PCDHGB7: variants seen among roughly 807,000 people sequenced by gnomAD.
PCDHGB7 encodes the protein protocadherin gamma-B7.
Under a neutral mutation model 61.4 loss-of-function variants are expected in PCDHGB7, and 37 were observed. The ratio of observed to expected loss-of-function variants is 0.60; its 90% CI spans 0.46 to 0.79. The LOEUF is 0.79. Among genes scored for constraint, PCDHGB7 ranks in the 30% least tolerant of loss-of-function variants. The pLI, the probability that PCDHGB7 is intolerant of heterozygous loss-of-function variation, is 0.00. For synonymous variants in PCDHGB7, 464 were observed against 503.5 expected, an observed-to-expected ratio of 0.92 and a Z score of 1.05; for missense variants, 1,166 against 1,202.5, an observed-to-expected ratio of 0.97 and a Z score of 0.45.
intron 1 of PCDHGB7, among the ~76,000 whole-genome samples, chr5:141,438,647 CACACAT>C (rs1324641788): frequency 3.8e-5 from 4 of 106,486 alleles, no homozygotes; most frequent in South Asian, 2.8e-4. Flanking sequence ...CACACACACA[CACACAT>C]ATATGTATAT....
Position 141,485,063 on chromosome 5 carries a change from A to C in PCDHGB7, c.2416-9744A>C. On this transcript the variant is annotated intron_variant, in intron 1 of 3. Transcript: ENST00000398594. This position sits in a 1 kb window ranked among gnomAD's most constrained non-coding sequence, Gnocchi z 5.7. ...CTTGCGGCGCCGGCCGAACCGCGCC[A>C]GAGCTGGCGCGGGGAAAGGGAGATA... is the stretch of plus-strand genomic sequence containing the variant. 2 of 874,986 alleles carry C rather than the reference A, an allele frequency of 2.3e-6. No individual in the cohort carries two copies. Among genetic ancestry groups the C allele is most frequent in the Non-Finnish European group, 3.6e-6 (2 of 551,278 alleles). 54.2% of individuals were successfully genotyped at this position (874,986 alleles called of 1,614,324 possible).
intron 1 of PCDHGB7, chr5:141,433,149 C>A (rs758972664): frequency 1.2e-6 from 2 of 1,613,856 alleles, no homozygotes; most frequent in Non-Finnish European, 1.7e-6. Context: ...TCAGGTGATT[C>A]GGTATTTTCT....
intron 1 of PCDHGB7, among the ~76,000 whole-genome samples, chr5:141,463,025 T>G (rs2099051289): frequency 6.6e-6 from 1 of 152,202 alleles, no homozygotes; most frequent in Non-Finnish European, 1.5e-5. Flanking sequence ...ACTTTTTTGA[T>G]TAATCTGAGT....
At chr5:141,440,912 G>A (rs1281398967) in intron 1 of PCDHGB7, 1 of 152,254 alleles carries the variant, frequency 6.6e-6, no homozygotes, top group African/African-American at 2.4e-5. Context: ...GGGCACTCCT[G>A]TGCTGAGAGT....
chr5:141,449,588 C>CAAA (rs768743917), intron 1 of PCDHGB7, among the ~76,000 whole-genome samples: 1 of 57,476 alleles, frequency 1.7e-5, no homozygotes, highest in East Asian at 5.2e-4. Context: ...GACTCTGTCT[C>CAAA]AAAAAAAAAA....
intron 1 of PCDHGB7, chr5:141,478,046 C>A (rs762982394): frequency 3.7e-6 from 6 of 1,614,172 alleles, no homozygotes; most frequent in Non-Finnish European, 5.1e-6. Flanking sequence ...CAGGCAGACT[C>A]TCACGGTCTT....
chr5:141,491,648 T>G lies in PCDHGB7; in HGVS notation c.2416-3159T>G, dbSNP rs756792762. 1 of 1,613,834 alleles carries G rather than the reference T, an allele frequency of 6.2e-7. No individual in the cohort carries two copies. Among genetic ancestry groups the G allele is most frequent in the Non-Finnish European group, 8.5e-7 (1 of 1,180,002 alleles). On this transcript the variant is annotated intron_variant, in intron 1 of 3. Coordinates refer to ENST00000398594, the MANE Select transcript of PCDHGB7 (RefSeq NM_018927.4). This position sits in a 1 kb window ranked among gnomAD's most constrained non-coding sequence, Gnocchi z 6.9. Reference sequence around the variant, plus strand: ...GTTCAGCAGCCCACAGCTCTGGCGCTGGAGCCTGACGCCATCCGGTCCCGC... The same window carrying G: ...GTTCAGCAGCCCACAGCTCTGGCGCGGGAGCCTGACGCCATCCGGTCCCGC...
In PCDHGB7 at chr5:141,487,747, CTA is replaced by C. The variant is rs2099663990; in HGVS notation, c.2416-7058_2416-7057del. 1 of 1,558,062 alleles carries C rather than the reference CTA, an allele frequency of 6.4e-7. No individual in the cohort carries two copies. The highest frequency in any genetic ancestry group is 2.4e-5 in the East Asian group (1 of 41,708). On this transcript the variant is annotated intron_variant, in intron 1 of 3. Coordinates refer to ENST00000398594, the MANE Select transcript of PCDHGB7 (RefSeq NM_018927.4). This position sits in a 1 kb window ranked among gnomAD's most constrained non-coding sequence, Gnocchi z 5.0. ...ATGTCACCATTTTTGTAAGAGGTAA[CTA>C]TGTGGTAGACGCTGTGCTTTGTAAC... is the stretch of plus-strand genomic sequence containing the variant.
intron 1 of PCDHGB7, chr5:141,433,069 C>T (rs561950316): frequency 2.5e-6 from 4 of 1,614,080 alleles, no homozygotes; most frequent in African/African-American, 1.3e-5. Context: ...ACCTGATCTT[C>T]CCCCAGCCCA....
intron 1 of PCDHGB7, chr5:141,430,941 A>G: frequency 6.2e-7 from 1 of 1,608,258 alleles, no homozygotes; most frequent in Non-Finnish European, 8.5e-7. Context: ...GAGCTCGCGG[A>G]GCGCGGAGTC....
Position 141,419,006 on chromosome 5 carries a change from A to T in PCDHGB7, c.1147A>T (p.Arg383Trp). 1 of 1,614,006 alleles carries T rather than the reference A, an allele frequency of 6.2e-7. No homozygotes were observed. Reference protein sequence around the residue: ...DQDSGENGEVRCSLSRGVPFK... With the variant: ...DQDSGENGEVWCSLSRGVPFK... ...AGACTCAGGGGAAAATGGGGAAGTC[A>T]GGTGTAGCTTAAGTAGAGGTGTTCC... Residue 383 changes from arginine to tryptophan, a missense_variant, in exon 1 of 4, where the codon AGG (arginine) becomes TGG (tryptophan). Physicochemically the swap from Arg to Trp is moderately radical, Grantham distance 101. Transcript: ENST00000398594.
At chr5:141,449,737 A>T (rs1174103155) in intron 1 of PCDHGB7, among the ~76,000 whole-genome samples, 3 of 151,666 alleles carry the variant, frequency 2.0e-5, no homozygotes, top group Non-Finnish European at 4.4e-5. Flanking sequence ...TTTTTATGAC[A>T]TGATTATTTT....
At chr5:141,498,919 C>A (rs897611505) in intron 2 of PCDHGB7, among the ~76,000 whole-genome samples, 1 of 122,240 alleles carries the variant, frequency 8.2e-6, no homozygotes. Context: ...GGTGACAGAG[C>A]GAGACTCCAT....
chr5:141,491,802 G>A lies in PCDHGB7; in HGVS notation c.2416-3005G>A. 6.7e-7 allele frequency: 1 copy of A among 1,497,480 alleles called. No homozygotes were observed. Among genetic ancestry groups the A allele is most frequent in the East Asian group, 2.5e-5 (1 of 40,518 alleles). The allele number at this position is 1,497,480 out of a possible 1,614,324, so 92.8% of individuals were successfully genotyped here. ...ACTTGCATCCACTCCTCTCCGGCCG[G>A]CTTGGTCGCTGGCTGCGCTCCACCC... On this transcript the variant is annotated intron_variant, in intron 1 of 3. Coordinates refer to ENST00000398594, the MANE Select transcript of PCDHGB7 (RefSeq NM_018927.4). The surrounding 1 kb of genome is among the most constrained non-coding windows in gnomAD (Gnocchi z 6.9).
intron 1 of PCDHGB7, chr5:141,440,987 A>C (rs2098217413): frequency 6.6e-6 from 1 of 152,278 alleles, no homozygotes; most frequent in African/African-American, 2.4e-5. Flanking sequence ...AACCCAGAGT[A>C]CCCATATCTA....
rs1416883218 is a variant in PCDHGB7, at chr5:141,428,027, G to A, written c.2415+7753G>A. On this transcript the variant is annotated intron_variant, in intron 1 of 3. Coordinates refer to ENST00000398594, the MANE Select transcript of PCDHGB7 (RefSeq NM_018927.4). ...TCGATATAGTGCCACGCGCCGCAGAGTCCGGCTACCTGGTGACCAAGGTGG... is the reference window on the plus strand; with the variant it reads ...TCGATATAGTGCCACGCGCCGCAGAATCCGGCTACCTGGTGACCAAGGTGG... 1.9e-6 allele frequency: 3 copies of A among 1,606,742 alleles called. No homozygotes were observed. The Admixed American group carries it at 5.0e-5, about 27-fold the overall frequency.
At position 141,419,797 on chromosome 5, in the gene PCDHGB7, A is replaced by G. The variant is rs371201079; in HGVS notation, c.1938A>G (p.Val646=). 14 of 1,613,920 alleles carry G rather than the reference A, an allele frequency of 8.7e-6. No individual in the cohort carries two copies. The highest frequency in any genetic ancestry group is 1.1e-5 in the Non-Finnish European group (13 of 1,179,898). Residue 646 remains valine (V), a synonymous_variant, in exon 1 of 4, where the codon GTA becomes GTG. Coordinates refer to ENST00000398594, the MANE Select transcript of PCDHGB7 (RefSeq NM_018927.4). ...DSVRQRLLVA[V]RDGGQPPLSA... The stretch of plus-strand genomic sequence containing the variant: ...TCCGCCAGCGCCTGCTAGTCGCTGT[A>G]AGAGATGGAGGACAGCCACCCCTTT...
chr5:141,441,954 C>T, intron 1 of PCDHGB7: 1 of 319,608 alleles, frequency 3.1e-6, no homozygotes, highest in Non-Finnish European at 6.0e-6. Context: ...TGCAGGCCAG[C>T]AAGCCCAGGC....
intron 1 of PCDHGB7, among the ~76,000 whole-genome samples, chr5:141,494,382 G>C (rs1311387598): frequency 6.6e-6 from 1 of 152,182 alleles, no homozygotes; most frequent in Non-Finnish European, 1.5e-5. Flanking sequence ...CCCAGCTGAG[G>C]AGTTGAATAA....
Sources: allele counts gnomAD v4.1 joint callset (sites outside exome capture counted in the v4.1 genomes callset), GRCh38; gene constraint gnomAD v4.1.1; non-coding constraint Gnocchi (gnomAD v3.1); transcripts MANE v1.5; gene names NCBI Gene and HGNC (gene_info 2026-07-23, HGNC 2026-07-21).